Variants in GRIA2 observed in about 807,000 individuals in gnomAD.
GRIA2 encodes the protein glutamate receptor 2.
A neutral mutation model predicts 97.3 loss-of-function variants in GRIA2; 14 were observed. That is an observed-to-expected ratio of 0.14 (90% confidence interval 0.10 to 0.23). The LOEUF (loss-of-function observed/expected upper bound fraction) is 0.23. Ranked by LOEUF, GRIA2 falls within the 10% of genes least tolerant of loss-of-function variation. The pLI, the probability that GRIA2 is intolerant of heterozygous loss-of-function variation, is 1.00. For synonymous variants in GRIA2, 412 were observed against 387.8 expected (o/e 1.06, Z -0.73); for missense variants, 558 against 1,069.8 (o/e 0.52, Z 6.67).
intron 2 of GRIA2, among the ~76,000 whole-genome samples, chr4:157,228,846 C>T (rs1271592924): frequency 7.1e-6 from 1 of 140,806 alleles, no homozygotes; most frequent in African/African-American, 2.6e-5. Context: ...CCTCCCCCCA[C>T]CAAAAAAAAA....
chr4:157,222,951 C>T (rs924387508), intron 2 of GRIA2, among the ~76,000 whole-genome samples: 1 of 151,660 alleles, frequency 6.6e-6, no homozygotes, highest in South Asian at 2.1e-4. Flanking sequence ...CATTTCCTGC[C>T]GACTGCCCTG....
intron 9 of GRIA2, chr4:157,335,009 C>T (rs905565680): frequency 3.9e-5 from 6 of 152,218 alleles, no homozygotes; most frequent in Non-Finnish European, 5.9e-5. Context: ...TGCCACTTTC[C>T]AATGGAGAAT....
intron 2 of GRIA2, among the ~76,000 whole-genome samples, chr4:157,287,210 A>G (rs1443914808): frequency 6.6e-6 from 1 of 151,676 alleles, no homozygotes; most frequent in Non-Finnish European, 1.5e-5. Context: ...TAATAGTTAA[A>G]TTTATTATTT....
chr4:157,220,873 C>T lies in GRIA2; in HGVS notation c.-170C>T, dbSNP rs1478978829. 7 of 607,250 alleles carry T rather than the reference C, an allele frequency of 1.2e-5. No individual in the cohort carries two copies. The highest frequency in any genetic ancestry group is 1.8e-5 in the Non-Finnish European group (6 of 339,322). 37.6% of individuals were successfully genotyped at this position (607,250 alleles called of 1,614,324 possible). On this transcript the variant is annotated 5_prime_UTR_variant, in exon 1 of 16. Coordinates refer to ENST00000264426, the MANE Select transcript of GRIA2 (RefSeq NM_001083619.3). ...AGGGCATCAGCAGCCACCAGCAGGA[C>T]CTGGGAAATAGGGATTCTTCTGCCT... is the stretch of plus-strand genomic sequence containing the variant.
intron 2 of GRIA2, among the ~76,000 whole-genome samples, chr4:157,276,166 G>T (rs1732302447): frequency 6.6e-6 from 1 of 152,030 alleles, no homozygotes; most frequent in African/African-American, 2.4e-5. Flanking sequence ...CTCTCTGTTT[G>T]TCTGTTATTG....
chr4:157,337,189 T>G, intron 11 of GRIA2, among the ~76,000 whole-genome samples: 1 of 152,090 alleles, frequency 6.6e-6, no homozygotes, highest in East Asian at 1.9e-4. Context: ...TTCCCATCAT[T>G]AGTTCATGGA....
At chr4:157,250,209 T>C (rs1019924023) in intron 2 of GRIA2, among the ~76,000 whole-genome samples, 4 of 152,140 alleles carry the variant, frequency 2.6e-5, no homozygotes, top group African/African-American at 9.6e-5. Context: ...AGGAAAGATA[T>C]TGCTTCATGG....
rs1554007393 is a variant in GRIA2 at position 157,256,226 on chromosome 4, A to AAAATATATTACATATATATGTTATATATT, written c.229+34420_229+34421insAATATATTACATATATATGTTATATATTA. Among the ~76,000 whole-genome samples the AAAATATATTACATATATATGTTATATATT allele has an allele frequency of 2.5e-5, 3 of 119,872 alleles. 1 individual carries two copies. Among genetic ancestry groups the AAAATATATTACATATATATGTTATATATT allele is most frequent in the African/African-American group, 1.0e-4 (3 of 29,090 alleles). The allele number at this position is 119,872 out of a possible 152,430, so 78.6% of individuals were successfully genotyped here. ...CATATATATGTTATATATAATATATAATATATAATATATATATATAATATA... is the reference window on the plus strand; with the variant it reads ...CATATATATGTTATATATAATATATAAAATATATTACATATATATGTTATATATTATATATAATATATATATATAATATA... On this transcript the variant is annotated intron_variant, in intron 2 of 15. Coordinates refer to ENST00000264426, the MANE Select transcript of GRIA2 (RefSeq NM_001083619.3).
chr4:157,235,486 C>T (rs1052064673), intron 2 of GRIA2, among the ~76,000 whole-genome samples: 1 of 151,552 alleles, frequency 6.6e-6, no homozygotes, highest in Non-Finnish European at 1.5e-5. Context: ...TACGTTGGGC[C>T]TAGATTTTAA....
chr4:157,258,421 C>T (rs534015220), intron 2 of GRIA2, among the ~76,000 whole-genome samples: 2 of 152,104 alleles, frequency 1.3e-5, no homozygotes, highest in African/African-American at 4.8e-5. Context: ...TCTCCTGTAG[C>T]GCTCCCAGGC....
intron 2 of GRIA2, among the ~76,000 whole-genome samples, chr4:157,233,824 T>A (rs1730126350): frequency 6.6e-6 from 1 of 152,124 alleles, no homozygotes; most frequent in Admixed American, 6.5e-5. Flanking sequence ...ATCTGGTTGA[T>A]CCTCACTGTC....
chr4:157,340,143 T>G (rs1735483128), intron 11 of GRIA2, among the ~76,000 whole-genome samples: 1 of 151,864 alleles, frequency 6.6e-6, no homozygotes, highest in Non-Finnish European at 1.5e-5. Flanking sequence ...ATCTAGAATA[T>G]GTTTCATCAA....
rs1553958571 is a variant in GRIA2 at position 157,355,906 on chromosome 4, T to TATATATTAATATATTTATATATAA, written c.2044-3984_2044-3983insTAATATATTTATATATAAATATAT. Among the ~76,000 whole-genome samples, 6 of 77,942 alleles carry TATATATTAATATATTTATATATAA rather than the reference T, an allele frequency of 7.7e-5. 1 individual carries two copies. The highest frequency in any genetic ancestry group is 2.6e-4 in the Admixed American group (1 of 3,882). The allele number at this position is 77,942 out of a possible 152,430, so 51.1% of individuals were successfully genotyped here. On this transcript the variant is annotated intron_variant, in intron 12 of 15. Transcript: ENST00000264426. Reference sequence around the variant, plus strand: ...ATATTAATATATTTATATATAAATATATATATATTAATATATTTATATATA... The same window carrying TATATATTAATATATTTATATATAA: ...ATATTAATATATTTATATATAAATATATATATTAATATATTTATATATAAATATATATTAATATATTTATATATA...
At chr4:157,226,643 T>A (rs1026637773) in intron 2 of GRIA2, among the ~76,000 whole-genome samples, 5 of 152,130 alleles carry the variant, frequency 3.3e-5, no homozygotes, top group Non-Finnish European at 7.4e-5. Flanking sequence ...TTATTGCACT[T>A]GGATGAATGG....
intron 3 of GRIA2, among the ~76,000 whole-genome samples, chr4:157,307,773 A>G (rs916142516): frequency 2.6e-5 from 4 of 152,214 alleles, no homozygotes; most frequent in Admixed American, 6.5e-5. Flanking sequence ...ATATCTGTAT[A>G]TCTTGGTTTC....
At chr4:157,228,964 A>G (rs760875124) in intron 2 of GRIA2, among the ~76,000 whole-genome samples, 3 of 151,890 alleles carry the variant, frequency 2.0e-5, no homozygotes, top group Admixed American at 6.6e-5. Flanking sequence ...AGATGTTCCA[A>G]AAATGTGTCC....
At chr4:157,271,880 G>A (rs1177665524) in intron 2 of GRIA2, among the ~76,000 whole-genome samples, 2 of 152,042 alleles carry the variant, frequency 1.3e-5, no homozygotes, top group South Asian at 2.1e-4. Context: ...TCAAGAAACA[G>A]GGTTGAAGAC....
At chr4:157,345,361 A>G (rs1322083305) in intron 12 of GRIA2, among the ~76,000 whole-genome samples, 1 of 152,004 alleles carries the variant, frequency 6.6e-6, no homozygotes, top group Non-Finnish European at 1.5e-5. Context: ...TATGGAACCC[A>G]TGCACATCCT....
chr4:157,357,087 G>A (rs185980759), intron 12 of GRIA2, among the ~76,000 whole-genome samples: 30 of 152,122 alleles, frequency 2.0e-4, no homozygotes, highest in African/African-American at 6.5e-4. Flanking sequence ...CTATGGTTTT[G>A]GAGAAAATCA....
Sources: gnomAD v4.1 joint callset for allele counts (sites outside exome capture counted in the v4.1 genomes callset) on GRCh38, gnomAD v4.1.1 for gene constraint, MANE v1.5 for transcripts, NCBI Gene and HGNC (gene_info 2026-07-23, HGNC 2026-07-21) for gene names.